PTPRT: variants seen among roughly 807,000 people sequenced by gnomAD.
PTPRT encodes the protein receptor-type tyrosine-protein phosphatase T.
In PTPRT, 56 loss-of-function variants were observed where a neutral mutation model predicts 176.8. The ratio of observed to expected loss-of-function variants is 0.32; its 90% CI spans 0.26 to 0.40. PTPRT has a LOEUF of 0.40. Ranked by LOEUF, PTPRT falls within the 10% of genes least tolerant of loss-of-function variation. PTPRT has a pLI of 1.00. For missense variants in PTPRT, 1,540 were observed against 1,908.2 expected (o/e 0.81, Z 3.60); for synonymous variants, 783 against 739.0 (o/e 1.06, Z -0.96).
intron 19 of PTPRT, among the ~76,000 whole-genome samples, chr20:42,120,632 T>C (rs1987540363): frequency 6.6e-6 from 1 of 152,200 alleles, no homozygotes; most frequent in Non-Finnish European, 1.5e-5. Flanking sequence ...TGCTGTACTC[T>C]GGTTGGGGAG....
intron 15 of PTPRT, among the ~76,000 whole-genome samples, chr20:42,234,447 G>GT (rs2056198448): frequency 6.6e-6 from 1 of 152,164 alleles, no homozygotes; most frequent in African/African-American, 2.4e-5. Context: ...ACACCATATT[G>GT]TTTCGTACCT....
rs1313526812 is a variant in PTPRT at position 42,148,789 on chromosome 20, C to CA, written c.2683-6788dup. Among the ~76,000 whole-genome samples, 3 of 152,066 alleles carry CA rather than the reference C, an allele frequency of 2.0e-5. No individual in the cohort carries two copies. In the East Asian group the frequency reaches 5.8e-4, roughly 29 times the overall value. ...ACAAAGATATGAACATTGTCCAAGC[C>CA]AAAAAAATGACCAAACACCCCCATA... On this transcript the variant is annotated intron_variant, in intron 17 of 30. Coordinates refer to ENST00000373187, the MANE Select transcript of PTPRT (RefSeq NM_007050.6).
intron 7 of PTPRT, among the ~76,000 whole-genome samples, chr20:42,519,180 T>C (rs944518565): frequency 3.9e-5 from 6 of 152,116 alleles, no homozygotes; most frequent in Non-Finnish European, 8.8e-5. Flanking sequence ...TGTTCTCCAG[T>C]TTTTTTAAAT....
chr20:42,351,943 A>T (rs908510596), intron 10 of PTPRT, 141 bp downstream of exon 10: 3 of 718,900 alleles, frequency 4.2e-6, no homozygotes, highest in Non-Finnish European at 6.9e-6. Context: ...GGAGACAACA[A>T]TGGTAACTCA....
chr20:42,333,876 T>C (rs1160149754), intron 11 of PTPRT, among the ~76,000 whole-genome samples: 1 of 152,118 alleles, frequency 6.6e-6, no homozygotes, highest in Non-Finnish European at 1.5e-5. Context: ...AGATGGGTTT[T>C]CACCATGTTG....
At chr20:42,960,080 G>A (rs1981901918) in intron 1 of PTPRT, among the ~76,000 whole-genome samples, 1 of 152,020 alleles carries the variant, frequency 6.6e-6, no homozygotes, top group African/African-American at 2.4e-5. Flanking sequence ...AGCAAGTCTG[G>A]ACTCTGACCA....
chr20:42,311,935 G>C (rs926698794), intron 12 of PTPRT, among the ~76,000 whole-genome samples: 1 of 152,124 alleles, frequency 6.6e-6, no homozygotes, highest in African/African-American at 2.4e-5. Context: ...ATGAGAAAAT[G>C]AGCAGATTTT....
chr20:42,797,530 A>C (rs184658372), intron 2 of PTPRT, among the ~76,000 whole-genome samples: 17 of 151,412 alleles, frequency 1.1e-4, no homozygotes, highest in South Asian at 4.2e-4. Flanking sequence ...TATGAAGACT[A>C]TCTCTCCCAC....
intron 12 of PTPRT, among the ~76,000 whole-genome samples, chr20:42,295,914 C>G (rs2057379817): frequency 6.6e-6 from 1 of 152,210 alleles, no homozygotes; most frequent in South Asian, 2.1e-4. Flanking sequence ...CTTCTGCCAC[C>G]TTGTGAAGGA....
intron 3 of PTPRT, among the ~76,000 whole-genome samples, chr20:42,788,175 T>G (rs2077319792): frequency 6.6e-6 from 1 of 152,016 alleles, no homozygotes; most frequent in Non-Finnish European, 1.5e-5. Flanking sequence ...GTTCCTGCTG[T>G]TGTAAAGAAG....
chr20:42,341,898 T>C (rs1401282075), intron 11 of PTPRT, among the ~76,000 whole-genome samples: 4 of 152,174 alleles, frequency 2.6e-5, no homozygotes, highest in Non-Finnish European at 1.5e-5. Context: ...CCCAAACACC[T>C]GTTTTTCCTC....
chr20:42,469,818 T>A (rs1419840262), intron 8 of PTPRT, among the ~76,000 whole-genome samples: 1 of 151,990 alleles, frequency 6.6e-6, no homozygotes, highest in Non-Finnish European at 1.5e-5. Context: ...AACTTCCAGA[T>A]CTAGGATGGG....
intron 1 of PTPRT, chr20:42,968,827 A>G (rs184825981): frequency 6.6e-6 from 1 of 152,344 alleles, no homozygotes; most frequent in South Asian, 2.1e-4. Context: ...ACCTTCTGTC[A>G]TCACAAGCCT....
chr20:42,553,795 G>A (rs2145623569), intron 7 of PTPRT, among the ~76,000 whole-genome samples: 1 of 152,236 alleles, frequency 6.6e-6, no homozygotes, highest in African/African-American at 2.4e-5. Context: ...GAAGCAGGAG[G>A]CTGTTGCAGT....
chr20:42,239,469 G>A (rs2056310986), intron 14 of PTPRT, among the ~76,000 whole-genome samples: 1 of 139,732 alleles, frequency 7.2e-6, no homozygotes, highest in African/African-American at 2.8e-5. Context: ...CGCCCAGGCT[G>A]GAGTGCAGTG....
intron 1 of PTPRT, among the ~76,000 whole-genome samples, chr20:42,952,527 T>G (rs552904983): frequency 2.0e-5 from 3 of 152,220 alleles, no homozygotes; most frequent in Non-Finnish European, 4.4e-5. Context: ...CTGCACAACT[T>G]CTGCGTGCCT....
At chr20:43,137,787 TACAC>T (rs898284258) in intron 1 of PTPRT, among the ~76,000 whole-genome samples, 5 of 151,590 alleles carry the variant, frequency 3.3e-5, no homozygotes, top group African/African-American at 1.2e-4. Flanking sequence ...CACACGCGCG[TACAC>T]ACACACATGC....
chr20:42,423,092 G>A (rs1382344493), intron 9 of PTPRT, among the ~76,000 whole-genome samples: 2 of 148,106 alleles, frequency 1.4e-5, no homozygotes, highest in Non-Finnish European at 3.0e-5. Context: ...ATAATTAATG[G>A]GTACTAGGCT....
rs1396398139 is a variant in PTPRT at position 42,118,432 on chromosome 20, T to C, written c.2953A>G (p.Met985Val). 1.9e-6 allele frequency: 3 copies of C among 1,613,110 alleles called. No homozygotes were observed. The highest frequency in any genetic ancestry group is 1.1e-5 in the South Asian group (1 of 90,936). Reference sequence around the variant, plus strand: ...CCCACTTCCACCAGGTTTGTGACCATGACGATGCTGGCGGAGTTCTCCTGC... The same window carrying C: ...CCCACTTCCACCAGGTTTGTGACCACGACGATGCTGGCGGAGTTCTCCTGC... The part of the protein sequence containing the change: ...IWQENSASIV[M>V]VTNLVEVGRV... Residue 985 changes from methionine to valine, a missense_variant, in exon 21 of 31, where the codon ATG becomes GTG. This residue lies in a region of PTPRT where 248 missense variants were observed against 356.7 expected (regional missense o/e 0.70). Coordinates refer to ENST00000373187, the MANE Select transcript of PTPRT (RefSeq NM_007050.6).
Sources: allele counts gnomAD v4.1 joint callset (sites outside exome capture counted in the v4.1 genomes callset), GRCh38; gene constraint gnomAD v4.1.1; regional missense constraint gnomAD v4.1.1; transcripts MANE v1.5; gene names NCBI Gene and HGNC (gene_info 2026-07-23, HGNC 2026-07-21).